The following FSHR variants were observed in gnomAD, a reference collection of about 807,000 sequenced individuals.
FSHR encodes follicle stimulating hormone receptor, also known as follicle-stimulating hormone receptor.
Under a neutral mutation model 52.1 loss-of-function variants are expected in FSHR, and 46 were observed. The ratio of observed to expected loss-of-function variants is 0.88; its 90% CI spans 0.70 to 1.13. FSHR has a LOEUF of 1.13. FSHR is among the 50% of genes most tolerant of loss of function. The probability of loss-of-function intolerance (pLI) is 0.00; values close to 1 mark genes in which losing one functional copy is unlikely to be tolerated. For synonymous variants in FSHR, 399 were observed against 309.6 expected (o/e 1.29, Z -3.03); for missense variants, 964 against 834.6 (o/e 1.16, Z -1.91).
At chr2:49,125,637 A>G (rs973191732) in intron 1 of FSHR, among the ~76,000 whole-genome samples, 3 of 152,204 alleles carry the variant, frequency 2.0e-5, no homozygotes, top group African/African-American at 4.8e-5. Flanking sequence ...TGAATTGATG[A>G]TATACAGTCT....
At chr2:49,128,743 T>C (rs1672155156) in intron 1 of FSHR, among the ~76,000 whole-genome samples, 1 of 152,094 alleles carries the variant, frequency 6.6e-6, no homozygotes, top group Non-Finnish European at 1.5e-5. Context: ...AACAGCTAGC[T>C]GCTTTAAATG....
intron 8 of FSHR, among the ~76,000 whole-genome samples, chr2:48,972,029 T>C (rs933968644): frequency 1.3e-5 from 2 of 152,202 alleles, no homozygotes; most frequent in Admixed American, 1.3e-4. Flanking sequence ...TATTTCTGGG[T>C]TGCTTCTTTT....
rs148298985 is a variant in FSHR, at chr2:49,061,147, C to A, written c.224+7072G>T. Among the ~76,000 whole-genome samples the A allele has an allele frequency of 3.8e-3, 578 of 152,186 alleles. 6 individuals are homozygous for A. The highest frequency in any genetic ancestry group is 0.013 in the African/African-American group (538 of 41,526). ...GCTGCTAGGGGGTGCCTCAGAGTCA[C>A]AAATCTTGGCTTCATGGGAAACCTA... On this transcript the variant is annotated intron_variant, in intron 2 of 9. Coordinates refer to ENST00000406846, the MANE Select transcript of FSHR (RefSeq NM_000145.4).
chr2:49,023,872 C>G (rs1377438306), intron 2 of FSHR, among the ~76,000 whole-genome samples: 4 of 152,122 alleles, frequency 2.6e-5, no homozygotes, highest in African/African-American at 9.7e-5. Flanking sequence ...AAGGCATTCT[C>G]TCTGGTGTGG....
intron 4 of FSHR, among the ~76,000 whole-genome samples, chr2:49,004,876 G>A (rs1667023340): frequency 6.6e-6 from 1 of 152,064 alleles, no homozygotes; most frequent in Admixed American, 6.6e-5. Flanking sequence ...CTTGTAAGAA[G>A]GCATATCCTA....
At chr2:49,153,782 A>T (rs1673145061) in intron 1 of FSHR, among the ~76,000 whole-genome samples, 1 of 152,084 alleles carries the variant, frequency 6.6e-6, no homozygotes, top group South Asian at 2.1e-4. Flanking sequence ...CCAAAAGCAG[A>T]ATCTCAGTTC....
intron 1 of FSHR, among the ~76,000 whole-genome samples, chr2:49,146,618 C>T (rs564903184): frequency 1.6e-4 from 24 of 152,070 alleles, no homozygotes; most frequent in Middle Eastern, 3.4e-3. Context: ...ATCAGAGGAG[C>T]GCAAGGATTA....
At chr2:49,095,783 C>A (rs142049656) in intron 1 of FSHR, among the ~76,000 whole-genome samples, 1 of 152,064 alleles carries the variant, frequency 6.6e-6, no homozygotes, top group Non-Finnish European at 1.5e-5. Flanking sequence ...AAAGGGACAA[C>A]CCAGTTTTAA....
chr2:48,988,088 A>C (rs989918621), intron 6 of FSHR, among the ~76,000 whole-genome samples: 1 of 152,144 alleles, frequency 6.6e-6, no homozygotes, highest in African/African-American at 2.4e-5. Flanking sequence ...TTACTCATCA[A>C]AGTGTTATAA....
chr2:49,068,836 G>C (rs62162086), intron 1 of FSHR, among the ~76,000 whole-genome samples: 21,940 of 151,974 alleles, frequency 0.14, 1,583 homozygotes, highest in Middle Eastern at 0.2. Flanking sequence ...CCTAAGAATA[G>C]CTTCTCCAAT....
intron 9 of FSHR, among the ~76,000 whole-genome samples, chr2:48,966,408 G>A (rs1211899395): frequency 6.6e-6 from 1 of 152,130 alleles, no homozygotes; most frequent in Non-Finnish European, 1.5e-5. Flanking sequence ...GCAAAGTAAT[G>A]CAAAATGAAT....
At chr2:49,054,219 A>G (rs1347636838) in intron 2 of FSHR, among the ~76,000 whole-genome samples, 2 of 152,202 alleles carry the variant, frequency 1.3e-5, no homozygotes, top group Non-Finnish European at 2.9e-5. Flanking sequence ...GGTTGAATGT[A>G]GCTCTGTGGG....
chr2:49,080,741 G>A (rs57214069), intron 1 of FSHR, among the ~76,000 whole-genome samples: 35,921 of 152,026 alleles, frequency 0.24, 4,391 homozygotes, highest in East Asian at 0.29. Flanking sequence ...TGAAGAAACT[G>A]CCCCTCCCAG....
At chr2:49,083,377 G>A (rs1208933792) in intron 1 of FSHR, among the ~76,000 whole-genome samples, 1 of 151,678 alleles carries the variant, frequency 6.6e-6, no homozygotes, top group East Asian at 1.9e-4. Context: ...ACCGGTACCA[G>A]CCACTGCAAA....
intron 1 of FSHR, among the ~76,000 whole-genome samples, chr2:49,089,089 A>T (rs1466914574): frequency 3.6e-5 from 4 of 110,194 alleles, no homozygotes; most frequent in Non-Finnish European, 7.8e-5. Context: ...ATCCAAATTC[A>T]CTTCTAATAT....
chr2:49,001,611 C>T (rs1448600116), intron 4 of FSHR, among the ~76,000 whole-genome samples: 2 of 152,036 alleles, frequency 1.3e-5, no homozygotes, highest in East Asian at 1.9e-4. Context: ...GTTTGCACAC[C>T]CTTCCCACAA....
At chr2:49,095,192 C>G (rs1056060460) in intron 1 of FSHR, among the ~76,000 whole-genome samples, 3 of 152,018 alleles carry the variant, frequency 2.0e-5, no homozygotes, top group Non-Finnish European at 4.4e-5. Context: ...TGAAAAAGAG[C>G]AAAGTTGAGG....
At chr2:49,077,087 G>A (rs1042385472) in intron 1 of FSHR, among the ~76,000 whole-genome samples, 1 of 152,184 alleles carries the variant, frequency 6.6e-6, no homozygotes, top group Non-Finnish European at 1.5e-5. Context: ...CTCCAGTAAG[G>A]ACTCTGTGTC....
At chr2:49,098,728 A>G (rs1670916037) in intron 1 of FSHR, among the ~76,000 whole-genome samples, 1 of 145,782 alleles carries the variant, frequency 6.9e-6, no homozygotes, top group South Asian at 2.1e-4. Context: ...TCCATATATT[A>G]CCCATATATA....
Sources: allele counts gnomAD v4.1 joint callset (sites outside exome capture counted in the v4.1 genomes callset), GRCh38; gene constraint gnomAD v4.1.1; transcripts MANE v1.5; gene names NCBI Gene and HGNC (gene_info 2026-07-23, HGNC 2026-07-21).